Variants in BBX observed in about 807,000 individuals in gnomAD.
BBX encodes the protein HMG box transcription factor BBX.
In BBX, 30 loss-of-function variants were observed where a neutral mutation model predicts 100.2. That is an observed-to-expected ratio of 0.30 (90% CI 0.22 to 0.41). The LOEUF (loss-of-function observed/expected upper bound fraction) is 0.41. Among genes scored for constraint, BBX ranks in the 10% least tolerant of loss-of-function variants. BBX has a pLI of 1.00. For missense variants in BBX, 1,023 were observed against 1,129.8 expected (o/e 0.91, Z 1.35); for synonymous variants, 376 against 388.1 (o/e 0.97, Z 0.37).
At chr3:107,746,410 T>G (rs2064598843) in intron 8 of BBX, among the ~76,000 whole-genome samples, 1 of 152,204 alleles carries the variant, frequency 6.6e-6, no homozygotes, top group Admixed American at 6.6e-5. Flanking sequence ...ATTTTATCCT[T>G]GAATGTCTTC....
chr3:107,653,548 T>G (rs1363861175), intron 3 of BBX, among the ~76,000 whole-genome samples: 1 of 152,196 alleles, frequency 6.6e-6, no homozygotes, highest in Non-Finnish European at 1.5e-5. Context: ...GACAAGAATA[T>G]TGTGTTTGTT....
intron 2 of BBX, among the ~76,000 whole-genome samples, chr3:107,640,314 C>T (rs1031985842): frequency 6.6e-6 from 1 of 152,308 alleles, no homozygotes; most frequent in African/African-American, 2.4e-5. Context: ...TACTTTCTCA[C>T]GTGAACCCTG....
intron 7 of BBX, among the ~76,000 whole-genome samples, chr3:107,741,788 T>C (rs2064129696): frequency 6.6e-6 from 1 of 152,208 alleles, no homozygotes; most frequent in South Asian, 2.1e-4. Flanking sequence ...TCACAACATC[T>C]AGAACCTTCT....
intron 2 of BBX, among the ~76,000 whole-genome samples, chr3:107,532,055 G>T (rs752170925): frequency 5.3e-5 from 8 of 151,958 alleles, no homozygotes; most frequent in Non-Finnish European, 1.2e-4. Flanking sequence ...ATTAGCTGGG[G>T]GTGGTGGTGT....
intron 2 of BBX, among the ~76,000 whole-genome samples, chr3:107,638,893 G>A (rs1290696664): frequency 1.3e-5 from 2 of 151,574 alleles, no homozygotes; most frequent in Non-Finnish European, 2.9e-5. Flanking sequence ...GGAGGCCAAG[G>A]TGGGAGGATC....
At chr3:107,616,230 G>A (rs1022974638) in intron 2 of BBX, among the ~76,000 whole-genome samples, 1 of 151,500 alleles carries the variant, frequency 6.6e-6, no homozygotes, top group Non-Finnish European at 1.5e-5. Context: ...GCTCACTGGA[G>A]CGTTTCAGAT....
chr3:107,627,680 TTTTCTAAA>T (rs1459174817), intron 2 of BBX, among the ~76,000 whole-genome samples: 4 of 152,114 alleles, frequency 2.6e-5, no homozygotes, highest in Non-Finnish European at 1.5e-5. Context: ...TTTTTTTTTC[TTTTCTAAA>T]TTGACCATAT....
At chr3:107,547,513 C>T (rs1158194896) in intron 2 of BBX, among the ~76,000 whole-genome samples, 1 of 152,092 alleles carries the variant, frequency 6.6e-6, no homozygotes, top group Non-Finnish European at 1.5e-5. Flanking sequence ...CTGATCAGAT[C>T]TCTCACAGAT....
chr3:107,763,873 A>G (rs1427030943), intron 10 of BBX, among the ~76,000 whole-genome samples: 1 of 152,116 alleles, frequency 6.6e-6, no homozygotes, highest in Non-Finnish European at 1.5e-5. Context: ...GACAGAGGTA[A>G]TATTAAAATA....
chr3:107,775,489 TGTTA>T (rs2067248073), intron 12 of BBX, among the ~76,000 whole-genome samples: 1 of 152,180 alleles, frequency 6.6e-6, no homozygotes, highest in Non-Finnish European at 1.5e-5. Context: ...TAAAGTATTT[TGTTA>T]GTTAGGAGAT....
Position 107,710,445 on chromosome 3 carries a change from A to G in BBX, c.-9-7A>G. On this transcript the variant is annotated splice_polypyrimidine_tract_variant and splice_region_variant and intron_variant, in intron 3 of 17. Transcript: ENST00000325805. ...TCCCTGTTTCTCTCTCTCTCTTCCT[A>G]TTACAGGTCACAGTAATGAAAGGCA... The G allele has an allele frequency of 1.9e-6, 3 of 1,602,388 alleles. No individual in the cohort carries two copies. The highest frequency in any genetic ancestry group is 1.1e-5 in the South Asian group (1 of 89,302).
chr3:107,524,365 G>A (rs1027303371), intron 1 of BBX: 7 of 151,920 alleles, frequency 4.6e-5, no homozygotes, highest in African/African-American at 1.7e-4. Context: ...TCAGACTCGA[G>A]GTTTCTTTTC....
intron 9 of BBX, among the ~76,000 whole-genome samples, chr3:107,753,409 G>A (rs1238666815): frequency 6.6e-6 from 1 of 152,136 alleles, no homozygotes; most frequent in Admixed American, 6.6e-5. Context: ...CCCCACACAT[G>A]CCCTTTTGGG....
chr3:107,530,646 T>G (rs2048095902), intron 2 of BBX, among the ~76,000 whole-genome samples: 1 of 152,134 alleles, frequency 6.6e-6, no homozygotes, highest in Non-Finnish European at 1.5e-5. Flanking sequence ...AAAAGGCCAA[T>G]AACCTACTTT....
intron 2 of BBX, among the ~76,000 whole-genome samples, chr3:107,578,950 T>C (rs1390967366): frequency 2.0e-5 from 3 of 152,210 alleles, no homozygotes; most frequent in African/African-American, 4.8e-5. Flanking sequence ...ATTTGAGATA[T>C]TGAGTTGATG....
intron 13 of BBX, among the ~76,000 whole-genome samples, chr3:107,781,369 T>C (rs985366460): frequency 2.0e-5 from 3 of 152,174 alleles, no homozygotes; most frequent in Middle Eastern, 3.4e-3. Flanking sequence ...TTGGGCTATG[T>C]TATAGAACAG....
At chr3:107,582,791 A>G (rs989703090) in intron 2 of BBX, among the ~76,000 whole-genome samples, 17 of 152,086 alleles carry the variant, frequency 1.1e-4, no homozygotes, top group South Asian at 2.1e-4. Flanking sequence ...AAACTTTTCA[A>G]TAATGATCTG....
intron 15 of BBX, among the ~76,000 whole-genome samples, chr3:107,793,979 C>T (rs183496699): frequency 5.7e-4 from 86 of 151,660 alleles, no homozygotes; most frequent in African/African-American, 2.1e-3. Context: ...TTTGAAATTT[C>T]GGTATATATG....
intron 2 of BBX, among the ~76,000 whole-genome samples, chr3:107,613,066 G>A (rs1018010712): frequency 2.0e-5 from 3 of 152,086 alleles, no homozygotes; most frequent in Admixed American, 1.3e-4. Context: ...GGGTACTGCT[G>A]ATGTTCACTT....
Sources: gnomAD v4.1 joint callset for allele counts (sites outside exome capture counted in the v4.1 genomes callset) on GRCh38, gnomAD v4.1.1 for gene constraint, MANE v1.5 for transcripts, NCBI Gene and HGNC (gene_info 2026-07-23, HGNC 2026-07-21) for gene names.